ZNF273: variants seen among roughly 807,000 people sequenced by gnomAD.
The protein encoded by ZNF273 is zinc finger protein 273, also known as zinc finger protein 9.
A neutral mutation model predicts 14.9 loss-of-function variants in ZNF273; 11 were observed. That is an observed-to-expected ratio of 0.74 (90% CI 0.46 to 1.22). ZNF273 has a LOEUF of 1.22. Among genes scored for constraint, ZNF273 ranks in the 50% most tolerant of loss-of-function variants. The pLI is 0.00. For missense variants in ZNF273, 577 were observed against 660.6 expected (o/e 0.87, Z 1.39); for synonymous variants, 199 against 223.9 (o/e 0.89, Z 0.99).
intron 1 of ZNF273, chr7:64,888,314 C>A: frequency 1.0e-6 from 1 of 985,380 alleles, no homozygotes; most frequent in Non-Finnish European, 1.2e-6. Context: ...TGGCCTCGCA[C>A]AGGCTGCTCA....
Position 64,912,828 on chromosome 7 carries a change from T to TTTTTGTTGTTGTTG in ZNF273, c.103-4749_103-4748insGTTGTTGTTGTTTT, listed in dbSNP as rs968750219. Among the ~76,000 whole-genome samples, 6 of 77,886 alleles carry TTTTTGTTGTTGTTG rather than the reference T, an allele frequency of 7.7e-5. No individual in the cohort carries two copies. In the East Asian group the frequency reaches 1.0e-3, roughly 13 times the overall value. 51.1% of individuals were successfully genotyped at this position (77,886 alleles called of 152,430 possible). ...TTTTTGACTCAGGATTCATTTTAGT[T>TTTTTGTTGTTGTTG]TTTTTTTTTTTTTTTTTTGAGATTG... On this transcript the variant is annotated intron_variant, in intron 1 of 3. Transcript: ENST00000476120.
chr7:64,927,006 T>A (rs1167378805), intron 3 of ZNF273, among the ~76,000 whole-genome samples: 1 of 152,168 alleles, frequency 6.6e-6, no homozygotes, highest in Non-Finnish European at 1.5e-5. Flanking sequence ...CAGAAACCAG[T>A]GTCTGGAAAG....
downstream of ZNF273, among the ~76,000 whole-genome samples, chr7:64,883,666 C>A (rs974817315): frequency 3.9e-5 from 6 of 152,220 alleles, no homozygotes; most frequent in African/African-American, 1.2e-4. Flanking sequence ...TGGAGCAAAC[C>A]CTGACCATTC....
chr7:64,922,118 CTT>C lies in ZNF273; in HGVS notation c.325+3840_325+3841del, dbSNP rs199922439. Reference sequence around the variant, plus strand: ...TTAAGCCACTCTGGCATTCTATTTCCTTTTTTTTTTTTTTTAATAATTGTATT... The same window carrying C: ...TTAAGCCACTCTGGCATTCTATTTCCTTTTTTTTTTTTTAATAATTGTATT... On this transcript the variant is annotated intron_variant, in intron 3 of 3. Transcript: ENST00000476120. Among the ~76,000 whole-genome samples, 163 of 138,284 alleles carry C rather than the reference CTT, an allele frequency of 1.2e-3. 1 individual carries two copies. Among genetic ancestry groups the C allele is most frequent in the East Asian group, 9.6e-3 (46 of 4,770 alleles). 90.7% of individuals were successfully genotyped at this position (138,284 alleles called of 152,430 possible).
intron 3 of ZNF273, 33 bp downstream of exon 3, chr7:64,918,325 A>G: frequency 6.6e-7 from 1 of 1,512,986 alleles, no homozygotes; most frequent in Non-Finnish European, 8.9e-7. Flanking sequence ...ATAACAGATG[A>G]CACAGATGAC....
intron 3 of ZNF273, among the ~76,000 whole-genome samples, chr7:64,923,188 C>T (rs1794589469): frequency 6.6e-6 from 1 of 151,956 alleles, no homozygotes; most frequent in South Asian, 2.1e-4. Context: ...CATCATATAT[C>T]TCATACAAAC....
chr7:64,894,813 T>C (rs1792260699), downstream of ZNF273, among the ~76,000 whole-genome samples: 4 of 152,130 alleles, frequency 2.6e-5, no homozygotes. Flanking sequence ...CATATTAGTA[T>C]TAGGTTTTAC....
downstream of ZNF273, chr7:64,889,409 A>G (rs4718160): frequency 0.44 from 428,255 of 983,764 alleles, 94,049 homozygotes; most frequent in Non-Finnish European, 0.44. This position sits in a 1 kb window ranked among gnomAD's most constrained non-coding sequence, Gnocchi z 4.2. Flanking sequence ...GCGGGTGACC[A>G]GGAGCGCGGA....
rs1794869259 is a variant in ZNF273, at chr7:64,928,388, G to C, written c.1060G>C (p.Ala354Pro). The change falls in exon 4 of 4, where the codon GCC (alanine) becomes CCC (proline). Residue 354 changes from alanine to proline, a missense_variant. By Grantham distance (27) the Ala-to-Pro change is conservative (BLOSUM62 -1). This residue lies in a region of ZNF273 where 411 missense variants were observed against 440.4 expected (regional missense o/e 0.93). Transcript: ENST00000476120. Reference sequence around the variant, plus strand: ...CTACAAATGCAATGAATGTGGTAAAGCCTTTAACTGGTCCTCAACTCTTAC... The same window carrying C: ...CTACAAATGCAATGAATGTGGTAAACCCTTTAACTGGTCCTCAACTCTTAC... ...KPYKCNECGK[A>P]FNWSSTLTKH... The C allele has an allele frequency of 1.2e-6, 2 of 1,613,544 alleles. No homozygotes were observed. Among genetic ancestry groups the C allele is most frequent in the African/African-American group, 1.3e-5 (1 of 74,848 alleles).
Position 64,929,100 on chromosome 7 carries a change from T to TTC in ZNF273, c.*63_*64dup. On this transcript the variant is annotated 3_prime_UTR_variant, in exon 4 of 4. Transcript: ENST00000476120. The stretch of plus-strand genomic sequence containing the variant: ...TCACACTTGATTGTATATAAGATAA[T>TTC]TCATACTGGAGAAAACTCCCAGAAG... 7.6e-5 allele frequency: 29 copies of TTC among 382,764 alleles called. No homozygotes were observed. Among genetic ancestry groups the TTC allele is most frequent in the Middle Eastern group, 5.5e-4 (1 of 1,818 alleles). 23.7% of individuals were successfully genotyped at this position (382,764 alleles called of 1,614,324 possible).
At position 64,903,306 on chromosome 7, in the gene ZNF273, C is replaced by T. The variant is rs748376729; in HGVS notation, c.-12C>T. The stretch of plus-strand genomic sequence containing the variant: ...CTGCAGTCGCAGCTCCAGGTCTCGT[C>T]TTCACTGCTCTATGTCCTCTGCTCC... On this transcript the variant is annotated 5_prime_UTR_variant, in exon 1 of 4. Coordinates refer to ENST00000476120, the MANE Select transcript of ZNF273 (RefSeq NM_021148.3). 2 of 1,605,418 alleles carry T rather than the reference C, an allele frequency of 1.2e-6. No individual in the cohort carries two copies. Among genetic ancestry groups the T allele is most frequent in the Non-Finnish European group, 1.7e-6 (2 of 1,173,466 alleles).
chr7:64,889,728 A>G (rs1470518640), downstream of ZNF273: 4 of 985,710 alleles, frequency 4.1e-6, no homozygotes, highest in African/African-American at 7.0e-5. This position sits in a 1 kb window ranked among gnomAD's most constrained non-coding sequence, Gnocchi z 4.2. Context: ...GTAGCTGGAC[A>G]CCGAGCACCA....
In ZNF273 at chr7:64,909,519, G is replaced by A. The variant is rs180867965; in HGVS notation, c.102+6100G>A. ...GCTGGGATTATAGGTGTGAGCCACC[G>A]CGCCCAGCCATAATGTTTTCTTTAT... On this transcript the variant is annotated intron_variant, in intron 1 of 3. Coordinates refer to ENST00000476120, the MANE Select transcript of ZNF273 (RefSeq NM_021148.3). 2.5e-3 allele frequency among the ~76,000 whole-genome samples: 386 copies of A among 152,158 alleles called. 1 individual carries two copies. The highest frequency in any genetic ancestry group is 8.8e-3 in the African/African-American group (366 of 41,516).
At chr7:64,905,690 A>G (rs1028183046) in intron 1 of ZNF273, among the ~76,000 whole-genome samples, 33 of 152,348 alleles carry the variant, frequency 2.2e-4, no homozygotes, top group Middle Eastern at 3.4e-3. Flanking sequence ...TAACTGAGGT[A>G]TAGTGTCTCC....
intron 3 of ZNF273, among the ~76,000 whole-genome samples, chr7:64,921,318 T>A (rs7798465): frequency 1.3e-5 from 2 of 151,954 alleles, no homozygotes; most frequent in East Asian, 1.9e-4. Context: ...CACCTCAGCC[T>A]CACAAAGTGC....
rs1794902130 is a variant in ZNF273 at position 64,928,905 on chromosome 7, C to T, written c.1577C>T (p.Ser526Phe). 1 of 1,613,840 alleles carries T rather than the reference C, an allele frequency of 6.2e-7. No homozygotes were observed. Among genetic ancestry groups the T allele is most frequent in the African/African-American group, 1.3e-5 (1 of 74,912 alleles). The change falls in exon 4 of 4, where the codon TCC (serine) becomes TTC (phenylalanine). Residue 526 changes from serine (S) to phenylalanine (F), a missense_variant. Ser to Phe is a radical substitution (Grantham distance 155). Transcript: ENST00000476120. ...CEECGKAFNR[S>F]SNLTRHKKIH... is the part of the protein sequence containing the mutation. ...GAATGTGGCAAAGCTTTTAACCGGT[C>T]CTCAAACCTTACTCGACATAAGAAA... is the stretch of plus-strand genomic sequence containing the variant.
upstream of ZNF273, among the ~76,000 whole-genome samples, chr7:64,902,074 A>G (rs1792755177): frequency 6.7e-6 from 1 of 148,678 alleles, no homozygotes; most frequent in South Asian, 2.1e-4. Flanking sequence ...ATTATATACA[A>G]TAATATATAT....
downstream of ZNF273, among the ~76,000 whole-genome samples, chr7:64,934,487 G>T (rs973392552): frequency 6.6e-6 from 1 of 152,102 alleles, no homozygotes; most frequent in Non-Finnish European, 1.5e-5. Context: ...TATTTGAATA[G>T]ATTTTTATAT....
Position 64,922,187 on chromosome 7 carries a change from C to A in ZNF273, c.325+3895C>A, listed in dbSNP as rs79165412. ...AGATAGGATCTCATTCCATCAACCA[C>A]GCTGGTTTGCAGTGGTGTGATCACA... On this transcript the variant is annotated intron_variant, in intron 3 of 3. Transcript: ENST00000476120. Among the ~76,000 whole-genome samples the A allele has an allele frequency of 3.4e-3, 515 of 151,384 alleles. 1 individual carries two copies. Among genetic ancestry groups the A allele is most frequent in the Non-Finnish European group, 5.9e-3 (403 of 67,894 alleles).
Sources: allele counts gnomAD v4.1 joint callset (sites outside exome capture counted in the v4.1 genomes callset), GRCh38; gene constraint gnomAD v4.1.1; regional missense constraint gnomAD v4.1.1; non-coding constraint Gnocchi (gnomAD v3.1); transcripts MANE v1.5; gene names NCBI Gene and HGNC (gene_info 2026-07-23, HGNC 2026-07-21).